Variants in AUTS2 observed in about 807,000 individuals in gnomAD.
The protein encoded by AUTS2 is activator of transcription and developmental regulator AUTS2.
In AUTS2, 17 loss-of-function variants were observed where a neutral mutation model predicts 112.4. The observed-to-expected ratio is 0.15, with a 90% CI of 0.10 to 0.23. The LOEUF (loss-of-function observed/expected upper bound fraction) is 0.23, where lower values mean the gene tolerates loss of function less well. Among genes scored for constraint, AUTS2 ranks in the 10% least tolerant of loss-of-function variants. The probability of loss-of-function intolerance (pLI) is 1.00; values close to 1 mark genes in which losing one functional copy is unlikely to be tolerated. For missense variants in AUTS2, 1,510 were observed against 1,701.6 expected (o/e 0.89, Z 1.98); for synonymous variants, 751 against 702.7 (o/e 1.07, Z -1.09).
At chr7:69,807,858 T>G (rs1790374267) in intron 1 of AUTS2, among the ~76,000 whole-genome samples, 1 of 151,978 alleles carries the variant, frequency 6.6e-6, no homozygotes, top group Non-Finnish European at 1.5e-5. Context: ...AGTCAGACAC[T>G]GTCACTTCTG....
intron 1 of AUTS2, among the ~76,000 whole-genome samples, chr7:69,772,530 C>G (rs1157530689): frequency 6.6e-6 from 1 of 152,192 alleles, no homozygotes; most frequent in Non-Finnish European, 1.5e-5. Context: ...ATCTCTCAGA[C>G]TTAAGCCATC....
chr7:70,713,207 C>T (rs1013832308), intron 6 of AUTS2, among the ~76,000 whole-genome samples: 3 of 152,170 alleles, frequency 2.0e-5, no homozygotes, highest in Admixed American at 6.5e-5. Context: ...TCACCAATGC[C>T]GGCCTGCCAT....
chr7:70,769,438 C>G (rs1790184246), intron 10 of AUTS2, among the ~76,000 whole-genome samples: 1 of 152,212 alleles, frequency 6.6e-6, no homozygotes, highest in Non-Finnish European at 1.5e-5. Context: ...GTAATCCCAG[C>G]ACTTTGGGAG....
At chr7:70,493,477 C>A (rs1382292185) in intron 5 of AUTS2, among the ~76,000 whole-genome samples, 1 of 152,042 alleles carries the variant, frequency 6.6e-6, no homozygotes, top group Non-Finnish European at 1.5e-5. Context: ...AATTACTACT[C>A]TGGATTTCAC....
chr7:69,671,513 G>GTGTGTGTGTGTGTGTGTC (rs1796326136), intron 1 of AUTS2, among the ~76,000 whole-genome samples: 1 of 150,398 alleles, frequency 6.6e-6, no homozygotes, highest in African/African-American at 2.5e-5. Flanking sequence ...GTGTGTGTGT[G>GTGTGTGTGTGTGTGTGTC]TGTGTGTGTG....
chr7:69,693,574 C>T (rs533609100), intron 1 of AUTS2, among the ~76,000 whole-genome samples: 1 of 152,254 alleles, frequency 6.6e-6, no homozygotes, highest in East Asian at 1.9e-4. Flanking sequence ...CTTTAAGATT[C>T]CTGCATTTTC....
chr7:69,922,119 T>C (rs1319678282), intron 2 of AUTS2, among the ~76,000 whole-genome samples: 1 of 152,216 alleles, frequency 6.6e-6, no homozygotes. Context: ...TCAGGGATAT[T>C]TGAGCTGCAC....
intron 1 of AUTS2, among the ~76,000 whole-genome samples, chr7:69,649,015 AC>A (rs1293111141): frequency 6.6e-6 from 1 of 152,306 alleles, no homozygotes; most frequent in African/African-American, 2.4e-5. Context: ...GGTAGGAGCA[AC>A]ATTTAGGCTG....
intron 2 of AUTS2, among the ~76,000 whole-genome samples, chr7:69,980,848 G>A (rs1295641120): frequency 2.0e-5 from 3 of 152,056 alleles, no homozygotes; most frequent in Non-Finnish European, 2.9e-5. Flanking sequence ...GTGCAGTGAG[G>A]GCTCGTTTTA....
intron 2 of AUTS2, among the ~76,000 whole-genome samples, chr7:69,901,400 C>T (rs767140266): frequency 2.0e-5 from 3 of 152,108 alleles, no homozygotes; most frequent in Non-Finnish European, 2.9e-5. Context: ...CTTTTCTATT[C>T]TGTGTCCTCA....
intron 5 of AUTS2, among the ~76,000 whole-genome samples, chr7:70,500,644 C>CTACT (rs1165262157): frequency 1.3e-5 from 2 of 152,146 alleles, no homozygotes; most frequent in African/African-American, 4.8e-5. Flanking sequence ...CCGCTTCAGC[C>CTACT]AGTAAGTTCA....
chr7:69,687,827 A>G (rs990316374), intron 1 of AUTS2, among the ~76,000 whole-genome samples: 1 of 152,054 alleles, frequency 6.6e-6, no homozygotes, highest in Non-Finnish European at 1.5e-5. Flanking sequence ...TGTGTGAATA[A>G]TTTTTTTCCT....
intron 4 of AUTS2, among the ~76,000 whole-genome samples, chr7:70,236,847 T>G: frequency 6.6e-6 from 1 of 152,194 alleles, no homozygotes; most frequent in Non-Finnish European, 1.5e-5. Flanking sequence ...ATGCTGTGTA[T>G]GTAGACTCAT....
intron 1 of AUTS2, among the ~76,000 whole-genome samples, chr7:69,657,393 A>G (rs530901920): frequency 1.3e-5 from 2 of 152,304 alleles, no homozygotes; most frequent in Admixed American, 1.3e-4. Flanking sequence ...TTTTTTTCCT[A>G]TCCCAGAGTA....
chr7:70,113,230 C>A (rs1805177167), intron 2 of AUTS2, among the ~76,000 whole-genome samples: 1 of 152,020 alleles, frequency 6.6e-6, no homozygotes, highest in Non-Finnish European at 1.5e-5. Flanking sequence ...TTCTATCCAA[C>A]TTTATAATTT....
chr7:69,750,842 A>T (rs1309444370), intron 1 of AUTS2, among the ~76,000 whole-genome samples: 2 of 152,062 alleles, frequency 1.3e-5, no homozygotes, highest in Non-Finnish European at 2.9e-5. Context: ...CTTACTTGCC[A>T]AAGGTCTTAC....
chr7:70,520,861 G>T (rs934349468), intron 5 of AUTS2, among the ~76,000 whole-genome samples: 2 of 152,184 alleles, frequency 1.3e-5, no homozygotes, highest in African/African-American at 4.8e-5. Context: ...CTTTCCTAAT[G>T]AGCCTTTCTT....
chr7:70,133,573 T>C (rs906565896), intron 3 of AUTS2, among the ~76,000 whole-genome samples: 1 of 152,146 alleles, frequency 6.6e-6, no homozygotes, highest in Non-Finnish European at 1.5e-5. Context: ...TGGGAAAGTA[T>C]AATACCCAAC....
chr7:70,025,454 T>TC (rs1004542323), intron 2 of AUTS2, among the ~76,000 whole-genome samples: 1 of 150,974 alleles, frequency 6.6e-6, no homozygotes, highest in African/African-American at 2.4e-5. Context: ...TGTTTCCTTT[T>TC]TTTTTTTTTT....
Sources: gnomAD v4.1 joint callset for allele counts (sites outside exome capture counted in the v4.1 genomes callset) on GRCh38, gnomAD v4.1.1 for gene constraint, MANE v1.5 for transcripts, NCBI Gene and HGNC (gene_info 2026-07-23, HGNC 2026-07-21) for gene names.